The following KIAA0232 variants were observed in gnomAD, a reference collection of about 807,000 sequenced individuals.
KIAA0232 encodes the protein uncharacterized protein KIAA0232.
Under a neutral mutation model 122.0 loss-of-function variants are expected in KIAA0232, and 27 were observed. That is an observed-to-expected ratio of 0.22 (90% CI 0.16 to 0.31). The LOEUF is 0.31. Ranked by LOEUF, KIAA0232 falls within the 10% of genes least tolerant of loss-of-function variation. The pLI is 1.00. For synonymous variants in KIAA0232, 613 were observed against 587.6 expected (o/e 1.04, Z -0.63); for missense variants, 1,551 against 1,634.2 (o/e 0.95, Z 0.88).
At chr4:6,832,007 C>T (rs537007778) in intron 3 of KIAA0232, among the ~76,000 whole-genome samples, 1 of 152,348 alleles carries the variant, frequency 6.6e-6, no homozygotes, top group South Asian at 2.1e-4. Flanking sequence ...CCTGGCACCT[C>T]AGCAGGGCTC....
chr4:6,858,066 A>G lies in KIAA0232; in HGVS notation c.437-359A>G, dbSNP rs142557778. Among the ~76,000 whole-genome samples the G allele has an allele frequency of 3.4e-3, 517 of 152,366 alleles. 2 individuals carry two copies. The highest frequency in any genetic ancestry group is 3.2e-3 in the Non-Finnish European group (216 of 68,034). Reference sequence around the variant, plus strand: ...GTCAAGATGAGTCAATGTAAAGTCTATGAGTGTAGAATTTTGTGAGAAAAT... The same window carrying G: ...GTCAAGATGAGTCAATGTAAAGTCTGTGAGTGTAGAATTTTGTGAGAAAAT... On this transcript the variant is annotated intron_variant, in intron 5 of 9. Transcript: ENST00000307659.
chr4:6,798,077 A>G (rs989898900), intron 1 of KIAA0232, among the ~76,000 whole-genome samples: 1 of 151,746 alleles, frequency 6.6e-6, no homozygotes, highest in Non-Finnish European at 1.5e-5. Flanking sequence ...AAAAAGAGAG[A>G]CATAAAAATG....
At chr4:6,867,929 T>G (rs1721272006) in intron 7 of KIAA0232, among the ~76,000 whole-genome samples, 1 of 152,254 alleles carries the variant, frequency 6.6e-6, no homozygotes, top group Non-Finnish European at 1.5e-5. Context: ...AGACCAGCAG[T>G]TCTGTGTCTC....
At chr4:6,867,668 G>A (rs1187830377) in intron 7 of KIAA0232, among the ~76,000 whole-genome samples, 2 of 152,222 alleles carry the variant, frequency 1.3e-5, no homozygotes, top group South Asian at 4.1e-4. Context: ...GGGACAGGAA[G>A]GCTCTGATGA....
At chr4:6,818,603 A>G (rs185010109) in intron 2 of KIAA0232, among the ~76,000 whole-genome samples, 4 of 152,168 alleles carry the variant, frequency 2.6e-5, no homozygotes, top group East Asian at 1.9e-4. Context: ...TTTCATGTTC[A>G]TGGACTGGAA....
In KIAA0232 at chr4:6,862,084, A is replaced by G; in HGVS notation, c.1702A>G (p.Thr568Ala). ...MELQGERAIW[T>A]DSTSSVGAEG... ...GTTGCAAGGGGAACGTGCAATATGG[A>G]CAGATTCTACCAGCTCCGTAGGTGC... Residue 568 changes from threonine (T) to alanine (A), a missense_variant, in exon 7 of 10, where the codon ACA becomes GCA. Thr to Ala is a moderately conservative substitution (Grantham distance 58, BLOSUM62 0). Around this residue, in one of 5 missense-constraint regions of KIAA0232, gnomAD observed 1,108 missense variants for 1,154.8 expected, o/e 0.96. Coordinates refer to ENST00000307659, the MANE Select transcript of KIAA0232 (RefSeq NM_014743.3). 3 of 1,614,142 alleles carry G rather than the reference A, an allele frequency of 1.9e-6. No individual in the cohort carries two copies. The highest frequency in any genetic ancestry group is 2.5e-6 in the Non-Finnish European group (3 of 1,180,034).
chr4:6,795,081 T>C (rs1717070794), intron 1 of KIAA0232, among the ~76,000 whole-genome samples: 1 of 152,112 alleles, frequency 6.6e-6, no homozygotes, highest in Non-Finnish European at 1.5e-5. Context: ...TTGTTTTGTT[T>C]TGTTTTTGAG....
chr4:6,847,164 T>C (rs1392827675), intron 4 of KIAA0232, among the ~76,000 whole-genome samples: 4 of 152,202 alleles, frequency 2.6e-5, no homozygotes, highest in African/African-American at 4.8e-5. Flanking sequence ...TCATTATGTG[T>C]GTGGCTATTA....
At chr4:6,875,501 G>T (rs577070661) in intron 8 of KIAA0232, among the ~76,000 whole-genome samples, 1 of 152,198 alleles carries the variant, frequency 6.6e-6, no homozygotes, top group Admixed American at 6.5e-5. Context: ...CATGTGGCCA[G>T]TGCAGCTGCA....
chr4:6,834,776 T>C (rs1350912072), intron 3 of KIAA0232, among the ~76,000 whole-genome samples: 1 of 152,186 alleles, frequency 6.6e-6, no homozygotes, highest in Non-Finnish European at 1.5e-5. Flanking sequence ...TAAAAATCTT[T>C]TGATGGTACA....
rs922401464 is a variant in KIAA0232, at chr4:6,824,077, A to C, written c.-269-108A>C. On this transcript the variant is annotated intron_variant, in intron 2 of 9. Transcript: ENST00000307659. ...AAAAATCAGTGTTCTAAGATACCAA[A>C]AATATTTTAATAAAGAGGGACAGTT... 23 of 402,164 alleles carry C rather than the reference A, an allele frequency of 5.7e-5. No homozygotes were observed. The East Asian group carries it at 8.2e-4, about 14-fold the overall frequency. 24.9% of individuals were successfully genotyped at this position (402,164 alleles called of 1,614,324 possible). A position where few individuals can be genotyped will look rare whatever the true frequency, so the allele number is the denominator to read the frequency against.
At chr4:6,844,162 C>G (rs563545893) in intron 4 of KIAA0232, among the ~76,000 whole-genome samples, 1 of 151,398 alleles carries the variant, frequency 6.6e-6, no homozygotes, top group Non-Finnish European at 1.5e-5. Flanking sequence ...GGATGGTCTC[C>G]ATCTCCTGAC....
At chr4:6,871,836 A>G (rs1289641907) in intron 8 of KIAA0232, among the ~76,000 whole-genome samples, 154 bp downstream of exon 8, 1 of 152,218 alleles carries the variant, frequency 6.6e-6, no homozygotes, top group Non-Finnish European at 1.5e-5. Context: ...ACAGGGAGGA[A>G]TGAGAACTGG....
intron 2 of KIAA0232, among the ~76,000 whole-genome samples, chr4:6,812,340 A>T (rs904717921): frequency 6.6e-6 from 1 of 152,164 alleles, no homozygotes; most frequent in African/African-American, 2.4e-5. Flanking sequence ...TGACTGAGGA[A>T]CTGACTTTTA....
intron 7 of KIAA0232, among the ~76,000 whole-genome samples, chr4:6,865,449 G>A (rs377726621): frequency 6.6e-6 from 1 of 152,142 alleles, no homozygotes; most frequent in Non-Finnish European, 1.5e-5. Context: ...AAAGGCATGC[G>A]CCACCACGCC....
chr4:6,854,863 A>G (rs1347274992), intron 4 of KIAA0232, among the ~76,000 whole-genome samples: 3 of 152,148 alleles, frequency 2.0e-5, no homozygotes, highest in Non-Finnish European at 4.4e-5. Flanking sequence ...GAATGGCCTT[A>G]TGGATATGCT....
chr4:6,819,196 T>C (rs1473571081), intron 2 of KIAA0232, among the ~76,000 whole-genome samples: 1 of 151,988 alleles, frequency 6.6e-6, no homozygotes. Flanking sequence ...CAAAAGCAAT[T>C]GCAACAAAAA....
At position 6,871,677 on chromosome 4, in the gene KIAA0232, G is replaced by C. The variant is rs1010178724; in HGVS notation, c.3905G>C (p.Cys1302Ser). ...LYSPLFPASE[C>S]EECYTNAKGE... ...TCTCCTCTTTTTCCTGCATCAGAGT[G>C]TGAAGGTAAGGAGACCTTTGTTAGT... is the stretch of plus-strand genomic sequence containing the variant. Residue 1302 changes from cysteine (C) to serine (S), a missense_variant, in exon 8 of 10, where the codon TGT becomes TCT. Cys to Ser is a moderately radical substitution (Grantham distance 112). Around this residue, in one of 5 missense-constraint regions of KIAA0232, gnomAD observed 1,108 missense variants for 1,154.8 expected, o/e 0.96. Coordinates refer to ENST00000307659, the MANE Select transcript of KIAA0232 (RefSeq NM_014743.3). 5 of 1,582,076 alleles carry C rather than the reference G, an allele frequency of 3.2e-6. No homozygotes were observed. Among genetic ancestry groups the C allele is most frequent in the Non-Finnish European group, 4.3e-6 (5 of 1,152,744 alleles).
At position 6,862,093 on chromosome 4, in the gene KIAA0232, A is replaced by G. The variant is rs754626245; in HGVS notation, c.1711A>G (p.Thr571Ala). The part of the protein sequence containing the change: ...QGERAIWTDS[T>A]SSVGAEGLFL... The stretch of plus-strand genomic sequence containing the variant: ...GGAACGTGCAATATGGACAGATTCT[A>G]CCAGCTCCGTAGGTGCTGAGGGCTT... The change falls in exon 7 of 10, where the codon ACC (threonine) becomes GCC (alanine). Residue 571 changes from threonine to alanine, a missense_variant. Physicochemically the swap from Thr to Ala is moderately conservative, Grantham distance 58. Around this residue, in one of 5 missense-constraint regions of KIAA0232, gnomAD observed 1,108 missense variants for 1,154.8 expected, o/e 0.96. Coordinates refer to ENST00000307659, the MANE Select transcript of KIAA0232 (RefSeq NM_014743.3). 3.5e-5 allele frequency: 57 copies of G among 1,614,078 alleles called. No individual in the cohort carries two copies. Among genetic ancestry groups the G allele is most frequent in the South Asian group, 2.7e-4 (25 of 91,090 alleles).
Sources: gnomAD v4.1 joint callset for allele counts (sites outside exome capture counted in the v4.1 genomes callset) on GRCh38, gnomAD v4.1.1 for gene constraint, gnomAD v4.1.1 regional missense constraint, MANE v1.5 for transcripts, NCBI Gene and HGNC (gene_info 2026-07-23, HGNC 2026-07-21) for gene names.